COL4A2: variants seen among roughly 807,000 people sequenced by gnomAD.
COL4A2 encodes the protein collagen alpha-2(IV) chain.
In COL4A2, 99 loss-of-function variants were observed where a neutral mutation model predicts 200.2. The ratio of observed to expected loss-of-function variants is 0.49; its 90% CI spans 0.42 to 0.58. The LOEUF (loss-of-function observed/expected upper bound fraction) is 0.58, where lower values mean the gene tolerates loss of function less well. Ranked by LOEUF, COL4A2 falls within the 20% of genes least tolerant of loss-of-function variation. The pLI, the probability that COL4A2 is intolerant of heterozygous loss-of-function variation, is 0.00. For synonymous variants in COL4A2, 897 were observed against 900.6 expected (o/e 1.00, Z 0.07); for missense variants, 1,950 against 2,314.1 (o/e 0.84, Z 3.23).
intron 3 of COL4A2, among the ~76,000 whole-genome samples, chr13:110,322,634 C>G (rs993327964): frequency 6.6e-6 from 1 of 152,172 alleles, no homozygotes; most frequent in African/African-American, 2.4e-5. Flanking sequence ...AACTGACGGT[C>G]ACCAGCCTCC....
intron 4 of COL4A2, 68 bp downstream of exon 4, chr13:110,357,620 G>T: frequency 1.3e-6 from 2 of 1,544,230 alleles, no homozygotes; most frequent in Non-Finnish European, 1.8e-6. Flanking sequence ...TAACAACGGG[G>T]TACCTTCTGG....
chr13:110,473,171 C>A lies in COL4A2; in HGVS notation c.2425+21C>A, dbSNP rs777081325. The A allele has an allele frequency of 6.5e-6, 10 of 1,547,538 alleles. No homozygotes were observed. The South Asian group carries it at 1.2e-4, about 18-fold the overall frequency. ...CAGAGGTGAGTGCCCCATCGGGGAG[C>A]CGGGGGCCCCATCCCAGATGCACAG... On this transcript the variant is annotated intron_variant, in intron 29 of 47. Coordinates refer to ENST00000360467, the MANE Select transcript of COL4A2 (RefSeq NM_001846.4).
chr13:110,435,142 T>C (rs954233240), intron 12 of COL4A2, among the ~76,000 whole-genome samples: 2 of 152,206 alleles, frequency 1.3e-5, no homozygotes, highest in African/African-American at 4.8e-5. Flanking sequence ...AATCAAGTCC[T>C]GCTCATGTGT....
chr13:110,322,163 C>T (rs912975737), intron 3 of COL4A2, among the ~76,000 whole-genome samples: 1 of 152,024 alleles, frequency 6.6e-6, no homozygotes, highest in Non-Finnish European at 1.5e-5. Flanking sequence ...TAGGAAATGG[C>T]GATGTGAGAC....
intron 27 of COL4A2, 25 bp downstream of exon 27, chr13:110,467,121 T>G: frequency 1.2e-6 from 2 of 1,613,332 alleles, no homozygotes; most frequent in East Asian, 2.2e-5. Context: ...GAACCTGGAG[T>G]GCACCCAGCC....
chr13:110,359,459 G>A (rs747884100), intron 4 of COL4A2, among the ~76,000 whole-genome samples: 1 of 152,182 alleles, frequency 6.6e-6, no homozygotes, highest in Non-Finnish European at 1.5e-5. Context: ...TAGGACACAT[G>A]CTTGTCTACA....
In COL4A2 at chr13:110,493,295, G is replaced by A. The variant is rs188658233; in HGVS notation, c.3634+13G>A. 4.7e-3 allele frequency: 7,525 copies of A among 1,613,708 alleles called. 47 individuals are homozygous for A. Among genetic ancestry groups the A allele is most frequent in the Non-Finnish European group, 4.5e-3 (5,310 of 1,179,712 alleles). On this transcript the variant is annotated intron_variant, in intron 39 of 47. Coordinates refer to ENST00000360467, the MANE Select transcript of COL4A2 (RefSeq NM_001846.4). ...CCAGGATCCCCAGGTACTCTGTGCCGTCCCAGCCCCGAGTCCCACGCAGAG... is the reference window on the plus strand; with the variant it reads ...CCAGGATCCCCAGGTACTCTGTGCCATCCCAGCCCCGAGTCCCACGCAGAG...
At chr13:110,504,356 C>T in intron 45 of COL4A2, 92 bp downstream of exon 45, 3 of 1,020,404 alleles carry the variant, frequency 2.9e-6, no homozygotes, top group Non-Finnish European at 4.5e-6. Context: ...ACACGAGAGC[C>T]CAGAAAAGCC....
At chr13:110,375,789 C>T (rs759373897) in intron 4 of COL4A2, among the ~76,000 whole-genome samples, 69 of 151,584 alleles carry the variant, frequency 4.6e-4, no homozygotes, top group Non-Finnish European at 7.5e-4. Flanking sequence ...AAGATCACGC[C>T]GCTGCACTCC....
chr13:110,447,545 A>G (rs2139478096), intron 18 of COL4A2, among the ~76,000 whole-genome samples: 1 of 152,208 alleles, frequency 6.6e-6, no homozygotes, highest in South Asian at 2.1e-4. Context: ...ACCTTGTAGA[A>G]TGCGCATCCT....
chr13:110,482,785 G>A, intron 32 of COL4A2, 126 bp downstream of exon 32: 1 of 983,718 alleles, frequency 1.0e-6, no homozygotes, highest in Non-Finnish European at 1.5e-6. Flanking sequence ...CCTAAAGCTA[G>A]ACAAAACAAA....
At chr13:110,470,546 T>G (rs7988399) in intron 28 of COL4A2, among the ~76,000 whole-genome samples, 1 of 152,074 alleles carries the variant, frequency 6.6e-6, no homozygotes, top group South Asian at 2.1e-4. Context: ...CGGGAACACA[T>G]ACTTTCTTTT....
intron 3 of COL4A2, among the ~76,000 whole-genome samples, chr13:110,309,651 T>A (rs1884916345): frequency 6.6e-6 from 1 of 152,122 alleles, no homozygotes; most frequent in South Asian, 2.1e-4. Context: ...TCTGAACTCA[T>A]CCTAAAATTG....
intron 4 of COL4A2, among the ~76,000 whole-genome samples, chr13:110,374,710 C>G (rs1334837982): frequency 6.6e-6 from 1 of 152,196 alleles, no homozygotes; most frequent in African/African-American, 2.4e-5. Context: ...TTCCTCATCT[C>G]CATCCATCCT....
chr13:110,443,758 A>G (rs1448316766), intron 16 of COL4A2, among the ~76,000 whole-genome samples: 1 of 152,034 alleles, frequency 6.6e-6, no homozygotes, highest in Admixed American at 6.6e-5. Flanking sequence ...GGTCTCAGGG[A>G]GCCCGGCGGA....
At chr13:110,463,778 C>G (rs1056864675) in intron 24 of COL4A2, among the ~76,000 whole-genome samples, 1 of 152,202 alleles carries the variant, frequency 6.6e-6, no homozygotes, top group Non-Finnish European at 1.5e-5. Flanking sequence ...TCAAGTGATT[C>G]TCCTGCCTTG....
At chr13:110,473,224 T>G in intron 29 of COL4A2, 74 bp downstream of exon 29, 2 of 1,395,672 alleles carry the variant, frequency 1.4e-6, no homozygotes, top group Non-Finnish European at 1.9e-6. Flanking sequence ...CCCAATCCCT[T>G]CCGGGGGATT....
At chr13:110,411,126 A>G (rs1879816104) in intron 4 of COL4A2, among the ~76,000 whole-genome samples, 1 of 151,946 alleles carries the variant, frequency 6.6e-6, no homozygotes, top group Admixed American at 6.6e-5. Context: ...AGGCCTCCCT[A>G]CAGGTCTTCT....
intron 22 of COL4A2, among the ~76,000 whole-genome samples, chr13:110,459,973 G>C (rs1431484707): frequency 1.3e-5 from 2 of 152,192 alleles, no homozygotes; most frequent in Admixed American, 1.3e-4. Context: ...ACCTGCAGCA[G>C]ACCTTTCTTC....
Sources: allele counts gnomAD v4.1 joint callset (sites outside exome capture counted in the v4.1 genomes callset), GRCh38; gene constraint gnomAD v4.1.1; transcripts MANE v1.5; gene names NCBI Gene and HGNC (gene_info 2026-07-23, HGNC 2026-07-21).